The following PPP3CB variants were observed in gnomAD, a reference collection of about 807,000 sequenced individuals.
PPP3CB encodes protein phosphatase 3 catalytic subunit beta.
Under a neutral mutation model 66.4 loss-of-function variants are expected in PPP3CB, and 8 were observed. The ratio of observed to expected loss-of-function variants is 0.12; its 90% CI spans 0.07 to 0.22. The LOEUF (loss-of-function observed/expected upper bound fraction) is 0.22. Among genes scored for constraint, PPP3CB ranks in the 10% least tolerant of loss-of-function variants. The probability of loss-of-function intolerance (pLI) is 1.00; values close to 1 mark genes in which losing one functional copy is unlikely to be tolerated. For missense variants in PPP3CB, 319 were observed against 642.5 expected (o/e 0.50, Z 5.44); for synonymous variants, 208 against 221.2 (o/e 0.94, Z 0.53).
chr10:73,448,642 T>G (rs138131477), intron 10 of PPP3CB: 1 of 533,198 alleles, frequency 1.9e-6, no homozygotes. Context: ...TTCAAAACAA[T>G]GTTACTCTGT....
At chr10:73,491,331 A>G (rs1056164179) in intron 1 of PPP3CB, among the ~76,000 whole-genome samples, 2 of 150,636 alleles carry the variant, frequency 1.3e-5, no homozygotes, top group African/African-American at 4.9e-5. Context: ...GCCCAGCCAA[A>G]TTTTTGTATT....
At chr10:73,487,583 AAC>A (rs1491283828) in intron 1 of PPP3CB, among the ~76,000 whole-genome samples, 7 of 150,694 alleles carry the variant, frequency 4.6e-5, no homozygotes, top group Admixed American at 1.3e-4. Context: ...AAAAAAAAAA[AAC>A]AAACAGGAAA....
intron 10 of PPP3CB, among the ~76,000 whole-genome samples, chr10:73,453,896 T>C (rs2056383712): frequency 6.6e-6 from 1 of 152,198 alleles, no homozygotes; most frequent in Non-Finnish European, 1.5e-5. Flanking sequence ...ACAACAACCA[T>C]GTATAACTTT....
intron 13 of PPP3CB, among the ~76,000 whole-genome samples, chr10:73,439,034 C>T (rs2056107536): frequency 6.6e-6 from 1 of 152,138 alleles, no homozygotes; most frequent in Non-Finnish European, 1.5e-5. Flanking sequence ...TATTTATAAT[C>T]TCGTAATTTA....
intron 12 of PPP3CB, among the ~76,000 whole-genome samples, chr10:73,442,365 C>T (rs760500763): frequency 9.2e-5 from 14 of 152,164 alleles, no homozygotes; most frequent in Non-Finnish European, 1.8e-4. Context: ...GTCAACAAAG[C>T]ATGTAATTAG....
At chr10:73,449,980 T>C (rs950376847) in intron 10 of PPP3CB, among the ~76,000 whole-genome samples, 2 of 152,208 alleles carry the variant, frequency 1.3e-5, no homozygotes, top group East Asian at 3.9e-4. Context: ...GTTTTTTAAG[T>C]AAAGAGGGGG....
intron 12 of PPP3CB, among the ~76,000 whole-genome samples, chr10:73,442,049 A>G (rs1466046727): frequency 2.0e-5 from 3 of 152,234 alleles, no homozygotes; most frequent in East Asian, 3.8e-4. Flanking sequence ...AAATAATCAC[A>G]AACATGCAGC....
intron 1 of PPP3CB, among the ~76,000 whole-genome samples, chr10:73,486,788 A>G (rs1395711248): frequency 6.6e-6 from 1 of 152,180 alleles, no homozygotes; most frequent in African/African-American, 2.4e-5. Context: ...AGCACTTCCA[A>G]CATCATCTCT....
intron 1 of PPP3CB, among the ~76,000 whole-genome samples, chr10:73,485,946 G>GTT: frequency 7.8e-6 from 1 of 128,896 alleles, no homozygotes; most frequent in Non-Finnish European, 1.6e-5. Flanking sequence ...GTGTGTGTGT[G>GTT]TGTGTATTTT....
chr10:73,442,434 T>C (rs182108203), intron 12 of PPP3CB, among the ~76,000 whole-genome samples: 276 of 152,360 alleles, frequency 1.8e-3, no homozygotes, highest in Non-Finnish European at 3.1e-3. Flanking sequence ...ATAAAAGTAA[T>C]GTTATATCCA....
rs569846782 is a variant in PPP3CB at position 73,442,455 on chromosome 10, A to C, written c.1366+2270T>G. Among the ~76,000 whole-genome samples the C allele has an allele frequency of 1.7e-3, 253 of 152,378 alleles. 1 individual carries two copies. Among genetic ancestry groups the C allele is most frequent in the African/African-American group, 5.9e-3 (244 of 41,592 alleles). On this transcript the variant is annotated intron_variant, in intron 12 of 13. Coordinates refer to ENST00000360663, the MANE Select transcript of PPP3CB (RefSeq NM_021132.4). ...GTAATGTTATATCCAAGGATAACTG[A>C]GAGATGACTATACTGTAGATTTATT...
chr10:73,458,427 G>A (rs113231595), intron 9 of PPP3CB, among the ~76,000 whole-genome samples: 50 of 151,848 alleles, frequency 3.3e-4, no homozygotes, highest in South Asian at 1.5e-3. Flanking sequence ...GTGAGCCACC[G>A]CACCTGGCAA....
At chr10:73,447,567 A>C (rs2056277446) in intron 10 of PPP3CB, among the ~76,000 whole-genome samples, 1 of 152,220 alleles carries the variant, frequency 6.6e-6, no homozygotes, top group South Asian at 2.1e-4. Context: ...ACACTAATTC[A>C]AAAGGGGCCT....
At chr10:73,454,241 C>A (rs1253482221) in intron 10 of PPP3CB, among the ~76,000 whole-genome samples, 171 bp downstream of exon 10, 2 of 152,050 alleles carry the variant, frequency 1.3e-5, no homozygotes, top group Non-Finnish European at 2.9e-5. Context: ...AATGAAATCA[C>A]TGAAATTATT....
intron 11 of PPP3CB, among the ~76,000 whole-genome samples, chr10:73,445,589 G>A (rs532230415): frequency 4.6e-5 from 7 of 151,808 alleles, no homozygotes; most frequent in East Asian, 1.9e-4. Flanking sequence ...GGGACCACAG[G>A]TGCATGCCAC....
At position 73,470,864 on chromosome 10, in the gene PPP3CB, G is replaced by C. The variant is rs543409594; in HGVS notation, c.887+23C>G. 13 of 1,602,360 alleles carry C rather than the reference G, an allele frequency of 8.1e-6. No individual in the cohort carries two copies. The South Asian group carries it at 1.4e-4, about 18-fold the overall frequency. On this transcript the variant is annotated intron_variant, in intron 7 of 13. Transcript: ENST00000360663. ...GATTTATATTTTAGGTGTTAATTTG[G>C]GTCAGGGAAACAGAATTCTTACCCT...
rs1292324646 is a variant in PPP3CB, at chr10:73,487,316, G to A, written c.86-7799C>T. On this transcript the variant is annotated intron_variant, in intron 1 of 13. Transcript: ENST00000360663. Reference sequence around the variant, plus strand: ...TAATCCCAGTACTTTGGGAGGTCAAGGTGGGTATATCGCTTGAGGTCAGGA... The same window carrying A: ...TAATCCCAGTACTTTGGGAGGTCAAAGTGGGTATATCGCTTGAGGTCAGGA... 2.6e-5 allele frequency among the ~76,000 whole-genome samples: 4 copies of A among 152,100 alleles called. No individual in the cohort carries two copies. In the South Asian group the frequency reaches 8.3e-4, roughly 32 times the overall value.
At chr10:73,450,018 G>A (rs963457258) in intron 10 of PPP3CB, among the ~76,000 whole-genome samples, 24 of 152,190 alleles carry the variant, frequency 1.6e-4, no homozygotes, top group African/African-American at 5.8e-4. Context: ...GGTTGGTCTC[G>A]AACTCCTGAC....
intron 4 of PPP3CB, among the ~76,000 whole-genome samples, chr10:73,474,253 C>T (rs2056751170): frequency 6.6e-6 from 1 of 152,038 alleles, no homozygotes; most frequent in Non-Finnish European, 1.5e-5. Context: ...GTTGGCCAGG[C>T]TGGTCTTGAA....
Sources: gnomAD v4.1 joint callset for allele counts (sites outside exome capture counted in the v4.1 genomes callset) on GRCh38, gnomAD v4.1.1 for gene constraint, MANE v1.5 for transcripts, NCBI Gene and HGNC (gene_info 2026-07-23, HGNC 2026-07-21) for gene names.